CMTM4: variants seen among roughly 807,000 people sequenced by gnomAD.
CMTM4 encodes the protein CKLF-like MARVEL transmembrane domain-containing protein 4.
In CMTM4, 8 loss-of-function variants were observed where a neutral mutation model predicts 19.0. The ratio of observed to expected loss-of-function variants is 0.42; its 90% CI spans 0.25 to 0.76. The LOEUF is 0.76. Ranked by LOEUF, CMTM4 falls within the 30% of genes least tolerant of loss-of-function variation. CMTM4 has a pLI of 0.27. For missense variants in CMTM4, 228 were observed against 290.2 expected (o/e 0.79, Z 1.56); for synonymous variants, 106 against 121.1 (o/e 0.88, Z 0.82).
chr16:66,670,959 T>C (rs1161974154), intron 1 of CMTM4, among the ~76,000 whole-genome samples: 1 of 152,204 alleles, frequency 6.6e-6, no homozygotes, highest in Non-Finnish European at 1.5e-5. Flanking sequence ...GAGTCCTCTC[T>C]AGCTGAGGAG....
In CMTM4 at chr16:66,696,044, T is replaced by C. The variant is rs1209168552; in HGVS notation, c.186+296A>G. Among the ~76,000 whole-genome samples, 1 of 152,070 alleles carries C rather than the reference T, an allele frequency of 6.6e-6. No individual in the cohort carries two copies. The highest frequency in any genetic ancestry group is 1.5e-5 in the Non-Finnish European group (1 of 67,984). ...GGATTCCCAGCAGCACCCAGCCCAG[T>C]AACGCCACAGACTCCCGGGAGCGAG... is the stretch of plus-strand genomic sequence containing the variant. On this transcript the variant is annotated intron_variant, in intron 1 of 3. Transcript: ENST00000394106. The surrounding 1 kb of genome is among the most constrained non-coding windows in gnomAD (Gnocchi z 4.3).
At chr16:66,627,411 T>C (rs535659038) in intron 2 of CMTM4, among the ~76,000 whole-genome samples, 2 of 152,384 alleles carry the variant, frequency 1.3e-5, no homozygotes, top group African/African-American at 4.8e-5. Flanking sequence ...TTACCCTTCA[T>C]TGGGTCATAT....
intron 1 of CMTM4, among the ~76,000 whole-genome samples, chr16:66,695,229 C>T (rs2017209751): frequency 6.6e-6 from 1 of 152,104 alleles, no homozygotes; most frequent in Non-Finnish European, 1.5e-5. Context: ...TGCTTGTAGT[C>T]CCAGCTACTC....
At chr16:66,637,371 C>CTT (rs932934016) in intron 1 of CMTM4, among the ~76,000 whole-genome samples, 4 of 151,904 alleles carry the variant, frequency 2.6e-5, no homozygotes, top group Non-Finnish European at 5.9e-5. Context: ...ATGGAGAAAC[C>CTT]CCCTCTCTAC....
rs995023870 is a variant in CMTM4 at position 66,618,213 on chromosome 16, A to T, written c.*3845T>A. 3 of 985,338 alleles carry T rather than the reference A, an allele frequency of 3.0e-6. No homozygotes were observed. The African/African-American group carries it at 5.2e-5, about 17-fold the overall frequency. 61.0% of individuals were successfully genotyped at this position (985,338 alleles called of 1,614,324 possible). On this transcript the variant is annotated 3_prime_UTR_variant, in exon 4 of 4. Coordinates refer to ENST00000394106, the MANE Select transcript of CMTM4 (RefSeq NM_181521.3). Reference sequence around the variant, plus strand: ...AGGAAGCAACTTGTTATTCTGCTCAAGAGAATCCACCAGCAGCTCTTGGCC... The same window carrying T: ...AGGAAGCAACTTGTTATTCTGCTCATGAGAATCCACCAGCAGCTCTTGGCC...
chr16:66,688,232 C>T (rs2017071400), intron 1 of CMTM4, among the ~76,000 whole-genome samples: 1 of 152,182 alleles, frequency 6.6e-6, no homozygotes, highest in African/African-American at 2.4e-5. Flanking sequence ...GGCTCCACCT[C>T]TTAATACTAT....
intron 1 of CMTM4, among the ~76,000 whole-genome samples, chr16:66,681,049 A>T (rs2016905678): frequency 6.6e-6 from 1 of 152,136 alleles, no homozygotes; most frequent in South Asian, 2.1e-4. Flanking sequence ...ATATTTTAAA[A>T]CGTAAAAAAG....
the CMTM4 span, among the ~76,000 whole-genome samples, chr16:66,599,635 T>C: frequency 6.6e-6 from 1 of 152,140 alleles, no homozygotes; most frequent in Admixed American, 6.5e-5. Flanking sequence ...TGCTGTGCTA[T>C]TAGGCATGAA....
intron 1 of CMTM4, among the ~76,000 whole-genome samples, chr16:66,657,120 T>G (rs1177874315): frequency 1.3e-5 from 2 of 150,916 alleles, no homozygotes; most frequent in African/African-American, 4.9e-5. Flanking sequence ...AGTCTCGCTC[T>G]GTCACCCAGG....
intron 2 of CMTM4, among the ~76,000 whole-genome samples, chr16:66,631,313 G>A (rs2015864315): frequency 6.7e-6 from 1 of 149,612 alleles, no homozygotes; most frequent in Admixed American, 6.6e-5. Flanking sequence ...GGAGGTGGGG[G>A]GTCAGCCCCC....
downstream of CMTM4, chr16:66,610,744 TAG>T (rs1301567095): frequency 2.3e-5 from 9 of 398,272 alleles, no homozygotes; most frequent in Non-Finnish European, 3.1e-5. The surrounding 1 kb of genome is among the most constrained non-coding windows in gnomAD (Gnocchi z 4.6). Context: ...GCTGGACAGG[TAG>T]ACAAGGGCAG....
intron 2 of CMTM4, among the ~76,000 whole-genome samples, chr16:66,635,445 C>A (rs1389168018): frequency 1.3e-5 from 2 of 152,192 alleles, no homozygotes; most frequent in Admixed American, 1.3e-4. Flanking sequence ...CAGGGCACAC[C>A]AGGAGAGCAG....
At chr16:66,608,029 C>T in the CMTM4 span, among the ~76,000 whole-genome samples, 2 of 152,028 alleles carry the variant, frequency 1.3e-5, no homozygotes, top group South Asian at 2.1e-4. The surrounding 1 kb of genome is among the most constrained non-coding windows in gnomAD (Gnocchi z 5.1). Context: ...TATATTTTGC[C>T]GAGATGAGGT....
intron 1 of CMTM4, among the ~76,000 whole-genome samples, chr16:66,694,786 G>A (rs181411923): frequency 7.5e-4 from 112 of 148,638 alleles, no homozygotes; most frequent in Non-Finnish European, 1.2e-3. Context: ...TAACAGCAAC[G>A]CCAAACTAAA....
chr16:66,625,678 C>T (rs897418576), intron 2 of CMTM4, among the ~76,000 whole-genome samples: 12 of 152,130 alleles, frequency 7.9e-5, no homozygotes, highest in African/African-American at 2.7e-4. Context: ...GGGAAAAAAA[C>T]GCCAGCAACT....
intron 1 of CMTM4, among the ~76,000 whole-genome samples, chr16:66,644,867 C>A (rs2016161931): frequency 6.6e-6 from 1 of 152,202 alleles, no homozygotes; most frequent in African/African-American, 2.4e-5. Context: ...TTTTCATCTA[C>A]TCGATTCATA....
chr16:66,682,415 T>C (rs1231192676), intron 1 of CMTM4, among the ~76,000 whole-genome samples: 4 of 152,146 alleles, frequency 2.6e-5, no homozygotes, highest in Non-Finnish European at 1.5e-5. Context: ...AAAAATCTTT[T>C]AGCCTTAAAC....
chr16:66,640,295 A>G (rs1266799053), intron 1 of CMTM4, among the ~76,000 whole-genome samples: 2 of 152,126 alleles, frequency 1.3e-5, no homozygotes, highest in Non-Finnish European at 2.9e-5. Context: ...ATAGAGTGAG[A>G]CTCTGTCTCA....
intron 1 of CMTM4, among the ~76,000 whole-genome samples, chr16:66,687,956 G>T (rs1026909634): frequency 1.3e-5 from 2 of 151,934 alleles, no homozygotes; most frequent in Non-Finnish European, 2.9e-5. Context: ...CAGAGTGCTG[G>T]GATTACAGGT....
Sources: gnomAD v4.1 joint callset for allele counts (sites outside exome capture counted in the v4.1 genomes callset) on GRCh38, gnomAD v4.1.1 for gene constraint, Gnocchi (gnomAD v3.1) non-coding constraint, MANE v1.5 for transcripts, NCBI Gene and HGNC (gene_info 2026-07-23, HGNC 2026-07-21) for gene names.